GTF2F2: variants seen among roughly 807,000 people sequenced by gnomAD.
GTF2F2 encodes general transcription factor IIF subunit 2.
GTF2F2 carries 23 observed loss-of-function variants against 42.2 expected under a neutral mutation model. The ratio of observed to expected loss-of-function variants is 0.55; its 90% CI spans 0.39 to 0.77. GTF2F2 has a LOEUF of 0.77. Ranked by LOEUF, GTF2F2 falls within the 30% of genes least tolerant of loss-of-function variation. GTF2F2 has a pLI of 0.00. For missense variants in GTF2F2, 261 were observed against 287.2 expected (o/e 0.91, Z 0.66); for synonymous variants, 105 against 100.8 (o/e 1.04, Z -0.25).
chr13:45,227,288 T>C (rs766697468), intron 5 of GTF2F2, among the ~76,000 whole-genome samples: 7 of 152,234 alleles, frequency 4.6e-5, no homozygotes, highest in Non-Finnish European at 1.0e-4. Context: ...TATATAGATA[T>C]ATATTTTCAT....
intron 5 of GTF2F2, among the ~76,000 whole-genome samples, chr13:45,211,586 A>AT (rs67901676): frequency 4.5e-3 from 392 of 86,692 alleles, no homozygotes; most frequent in Non-Finnish European, 6.1e-3. Flanking sequence ...AAAAAAAAAA[A>AT]TTTTTTTTTT....
At chr13:45,166,709 G>T (rs541197543) in intron 4 of GTF2F2, among the ~76,000 whole-genome samples, 11 of 152,164 alleles carry the variant, frequency 7.2e-5, no homozygotes, top group Non-Finnish European at 1.6e-4. Flanking sequence ...ATGAGAATTC[G>T]TATGATGAAT....
At chr13:45,170,442 C>T (rs572690696) in intron 4 of GTF2F2, among the ~76,000 whole-genome samples, 4 of 152,284 alleles carry the variant, frequency 2.6e-5, no homozygotes, top group Middle Eastern at 3.4e-3. Flanking sequence ...CAAATAAAAG[C>T]TTTTGTGGAA....
chr13:45,248,896 T>C (rs114808285), intron 5 of GTF2F2, among the ~76,000 whole-genome samples: 329 of 152,334 alleles, frequency 2.2e-3, no homozygotes, highest in African/African-American at 7.5e-3. Context: ...TTTTAAATTT[T>C]CTGAAAAAGT....
At chr13:45,181,201 AAAC>A (rs1326310431) in intron 4 of GTF2F2, among the ~76,000 whole-genome samples, 7 of 105,848 alleles carry the variant, frequency 6.6e-5, no homozygotes, top group African/African-American at 2.9e-4. Flanking sequence ...AAAAAAAAAA[AAAC>A]CAGAAAAACC....
intron 5 of GTF2F2, among the ~76,000 whole-genome samples, chr13:45,232,494 G>A (rs1005424031): frequency 1.3e-5 from 2 of 152,214 alleles, no homozygotes; most frequent in African/African-American, 4.8e-5. Flanking sequence ...AATTAGCTGA[G>A]TGTGGTGGCA....
chr13:45,150,169 A>T (rs1168287519), intron 3 of GTF2F2, among the ~76,000 whole-genome samples: 8 of 152,202 alleles, frequency 5.3e-5, no homozygotes, highest in Non-Finnish European at 1.0e-4. Context: ...CATAGTAGAG[A>T]TGTTTAATAA....
intron 4 of GTF2F2, chr13:45,193,778 A>G (rs1231173525): frequency 9.6e-6 from 15 of 1,560,956 alleles, no homozygotes; most frequent in Non-Finnish European, 1.3e-5. Flanking sequence ...TTTGTTCGTG[A>G]CACAGGTAAT....
chr13:45,222,573 A>G (rs1035902001), intron 5 of GTF2F2, among the ~76,000 whole-genome samples: 15 of 151,944 alleles, frequency 9.9e-5, no homozygotes, highest in African/African-American at 3.6e-4. Flanking sequence ...GTTAGAACTA[A>G]GGTTAATACT....
chr13:45,228,283 C>T (rs371012526), intron 5 of GTF2F2, among the ~76,000 whole-genome samples: 41 of 92,712 alleles, frequency 4.4e-4, no homozygotes, highest in African/African-American at 8.5e-4. Flanking sequence ...CAGAGTTAAT[C>T]TTTTTTTTTT....
intron 4 of GTF2F2, among the ~76,000 whole-genome samples, chr13:45,190,156 GA>G (rs1218292923): frequency 7.3e-5 from 11 of 151,122 alleles, no homozygotes; most frequent in Non-Finnish European, 8.9e-5. Flanking sequence ...AAATCTACAA[GA>G]AAAAAACAAC....
intron 5 of GTF2F2, among the ~76,000 whole-genome samples, chr13:45,212,109 A>G (rs1873674613): frequency 6.6e-6 from 1 of 152,186 alleles, no homozygotes; most frequent in African/African-American, 2.4e-5. Flanking sequence ...ATGGAAAGGC[A>G]GTTTTCAGAT....
intron 4 of GTF2F2, among the ~76,000 whole-genome samples, chr13:45,155,326 A>G (rs1229940519): frequency 6.6e-6 from 1 of 152,254 alleles, no homozygotes; most frequent in Non-Finnish European, 1.5e-5. Flanking sequence ...TCTATCAAGT[A>G]TAGAACTGTA....
chr13:45,223,754 A>G (rs1252977555), intron 5 of GTF2F2, among the ~76,000 whole-genome samples: 5 of 152,188 alleles, frequency 3.3e-5, no homozygotes. Flanking sequence ...ACTGTGCTAT[A>G]CAGTCCTTCA....
At chr13:45,164,740 T>C (rs1293376322) in intron 4 of GTF2F2, among the ~76,000 whole-genome samples, 1 of 151,982 alleles carries the variant, frequency 6.6e-6, no homozygotes, top group Non-Finnish European at 1.5e-5. Context: ...AAAAAAATAG[T>C]AGTTCCTTCT....
chr13:45,194,856 T>C (rs1872813908), intron 4 of GTF2F2: 1 of 383,486 alleles, frequency 2.6e-6, no homozygotes. Flanking sequence ...TAAGAGTTAC[T>C]CAGAATAAAT....
At chr13:45,234,124 G>A (rs914266582) in intron 5 of GTF2F2, among the ~76,000 whole-genome samples, 13 of 152,168 alleles carry the variant, frequency 8.5e-5, no homozygotes, top group Non-Finnish European at 1.8e-4. Context: ...TCTTGAACAT[G>A]CATTATGGCT....
At chr13:45,138,618 G>A (rs1309189011) in intron 2 of GTF2F2, among the ~76,000 whole-genome samples, 1 of 152,194 alleles carries the variant, frequency 6.6e-6, no homozygotes, top group Non-Finnish European at 1.5e-5. Context: ...GAACTTGTGA[G>A]TGACGATTAT....
intron 4 of GTF2F2, among the ~76,000 whole-genome samples, chr13:45,160,301 T>C (rs951080648): frequency 6.6e-6 from 1 of 152,248 alleles, no homozygotes; most frequent in Admixed American, 6.5e-5. Context: ...ATCTACCTCT[T>C]ATAAATACAT....
Sources: allele counts gnomAD v4.1 joint callset (sites outside exome capture counted in the v4.1 genomes callset), GRCh38; gene constraint gnomAD v4.1.1; transcripts MANE v1.5; gene names NCBI Gene and HGNC (gene_info 2026-07-23, HGNC 2026-07-21).